PPFIA2: variants seen among roughly 807,000 people sequenced by gnomAD.
PPFIA2 encodes PPFI scaffold protein A2, also known as liprin-alpha-2.
Under a neutral mutation model 175.5 loss-of-function variants are expected in PPFIA2, and 46 were observed. That is an observed-to-expected ratio of 0.26 (90% CI 0.21 to 0.34). PPFIA2 has a LOEUF of 0.34. PPFIA2 is among the 10% of genes least tolerant of loss of function. The pLI is 1.00. For synonymous variants in PPFIA2, 568 were observed against 511.4 expected, an observed-to-expected ratio of 1.11 and a Z score of -1.49; for missense variants, 1,179 against 1,506.1, an observed-to-expected ratio of 0.78 and a Z score of 3.60.
At chr12:81,641,237 TTAAC>T (rs2064929123) in intron 4 of PPFIA2, among the ~76,000 whole-genome samples, 2 of 152,198 alleles carry the variant, frequency 1.3e-5, no homozygotes, top group Non-Finnish European at 1.5e-5. Context: ...TTATTTCTCA[TTAAC>T]TAAGTCACCT....
intron 32 of PPFIA2, chr12:81,260,717 G>A (rs546850183): frequency 1.3e-5 from 2 of 152,292 alleles, no homozygotes; most frequent in Admixed American, 1.3e-4. Context: ...AATAAATTGT[G>A]TGGCACTTTT....
intron 30 of PPFIA2, among the ~76,000 whole-genome samples, chr12:81,266,696 G>A (rs575428927): frequency 6.6e-5 from 10 of 152,030 alleles, no homozygotes; most frequent in Non-Finnish European, 8.8e-5. Flanking sequence ...TTGCAGTCAC[G>A]ACTCATAAAA....
intron 4 of PPFIA2, chr12:81,505,766 A>T (rs2061094001): frequency 6.6e-6 from 1 of 152,256 alleles, no homozygotes; most frequent in Admixed American, 6.5e-5. Flanking sequence ...TTTTGGCTCT[A>T]TGGTCCTAAG....
chr12:81,543,282 A>G (rs758483525), intron 4 of PPFIA2, among the ~76,000 whole-genome samples: 5 of 152,130 alleles, frequency 3.3e-5, no homozygotes, highest in South Asian at 2.1e-4. Context: ...TAAAAACAAC[A>G]GCAACATAGC....
rs964635979 is a variant in PPFIA2 at position 81,601,280 on chromosome 12, G to T, written c.303+75511C>A. On this transcript the variant is annotated intron_variant, in intron 4 of 32. Coordinates refer to ENST00000549396, the MANE Select transcript of PPFIA2 (RefSeq NM_003625.5). ...GAACATTTTTTCCTATGATTATTTT[G>T]ATAATAATGTTATCTCGTAATTCTG... Among the ~76,000 whole-genome samples, 7 of 151,838 alleles carry T rather than the reference G, an allele frequency of 4.6e-5. 1 individual carries two copies. The South Asian group carries it at 6.2e-4, about 14-fold the overall frequency.
At chr12:81,731,434 G>C (rs1208326655) in intron 3 of PPFIA2, among the ~76,000 whole-genome samples, 1 of 151,576 alleles carries the variant, frequency 6.6e-6, no homozygotes, top group Admixed American at 6.6e-5. Flanking sequence ...TTGAGACACA[G>C]GGAGGTTCAG....
intron 24 of PPFIA2, among the ~76,000 whole-genome samples, chr12:81,294,019 A>C (rs1219887330): frequency 9.8e-6 from 1 of 101,800 alleles, no homozygotes; most frequent in Non-Finnish European, 2.1e-5. Context: ...CCATTATCCC[A>C]AGTGAAATAA....
intron 3 of PPFIA2, among the ~76,000 whole-genome samples, chr12:81,724,964 T>TAA (rs2079860377): frequency 6.6e-6 from 1 of 151,048 alleles, no homozygotes; most frequent in Admixed American, 6.6e-5. Flanking sequence ...TAATAGGTCC[T>TAA]TTTTCTCCAC....
At chr12:81,292,585 T>C (rs1369185689) in intron 24 of PPFIA2, 1 of 152,164 alleles carries the variant, frequency 6.6e-6, no homozygotes, top group Non-Finnish European at 1.5e-5. Context: ...TCTAGCTTAC[T>C]TTATTGTACG....
At position 81,262,706 on chromosome 12, in the gene PPFIA2, A is replaced by G. The variant is rs116571248; in HGVS notation, c.3715+525T>C. Among the ~76,000 whole-genome samples the G allele has an allele frequency of 6.7e-3, 1,025 of 152,338 alleles. 17 individuals carry two copies. The highest frequency in any genetic ancestry group is 0.024 in the African/African-American group (982 of 41,576). On this transcript the variant is annotated intron_variant, in intron 31 of 32. Transcript: ENST00000549396. ...CACAGAAGGAAATAGTAATTGGGAAATTACTGTGTTTTGTGTTTCTTTAAT... is the reference window on the plus strand; with the variant it reads ...CACAGAAGGAAATAGTAATTGGGAAGTTACTGTGTTTTGTGTTTCTTTAAT...
intron 19 of PPFIA2, among the ~76,000 whole-genome samples, chr12:81,343,023 G>T (rs1236513079): frequency 6.6e-6 from 1 of 151,608 alleles, no homozygotes; most frequent in Non-Finnish European, 1.5e-5. Context: ...TAGAGTTTTG[G>T]AATTAGAGAG....
chr12:81,615,068 A>C, intron 4 of PPFIA2, among the ~76,000 whole-genome samples: 1 of 152,174 alleles, frequency 6.6e-6, no homozygotes, highest in African/African-American at 2.4e-5. Context: ...TACATAAAAC[A>C]ATTTTTAGGT....
chr12:81,342,597 G>T (rs749766346), intron 19 of PPFIA2, among the ~76,000 whole-genome samples: 7 of 152,002 alleles, frequency 4.6e-5, no homozygotes, highest in African/African-American at 1.2e-4. Context: ...GCCATCAGGA[G>T]AATCTTTTTT....
intron 9 of PPFIA2, among the ~76,000 whole-genome samples, chr12:81,383,694 G>C (rs190551284): frequency 6.6e-6 from 1 of 152,170 alleles, no homozygotes; most frequent in East Asian, 1.9e-4. Flanking sequence ...TATGCTAAGA[G>C]TATAGCAATT....
chr12:81,617,046 T>C (rs773253222), intron 4 of PPFIA2, among the ~76,000 whole-genome samples: 12 of 152,194 alleles, frequency 7.9e-5, no homozygotes, highest in Non-Finnish European at 1.8e-4. Context: ...AACTTTGAGT[T>C]AGCTTCTCTG....
intron 28 of PPFIA2, among the ~76,000 whole-genome samples, chr12:81,276,375 A>G (rs973588953): frequency 1.3e-5 from 2 of 152,192 alleles, no homozygotes; most frequent in Admixed American, 6.5e-5. Context: ...CACCACAAAT[A>G]TATCCATGTA....
At chr12:81,553,235 G>A (rs2068245094) in intron 4 of PPFIA2, among the ~76,000 whole-genome samples, 1 of 151,780 alleles carries the variant, frequency 6.6e-6, no homozygotes. Context: ...AGCATTCTAA[G>A]CAAAGGAAAT....
At chr12:81,263,486 A>G in intron 30 of PPFIA2, 96 bp from the exon 31 acceptor site, 1 of 1,120,246 alleles carries the variant, frequency 8.9e-7, no homozygotes, top group Non-Finnish European at 1.3e-6. Flanking sequence ...TAGATTATTT[A>G]CATTTAGTCT....
chr12:81,697,518 A>T lies in PPFIA2; in HGVS notation c.250-20674T>A, dbSNP rs183742331. Among the ~76,000 whole-genome samples the T allele has an allele frequency of 1.2e-3, 187 of 152,276 alleles. 1 individual carries two copies. The highest frequency in any genetic ancestry group is 7.8e-3 in the Admixed American group (119 of 15,284). Reference sequence around the variant, plus strand: ...GTTTTATAAGCCACTTCAGCTAAAAAATCTATACAGGAATATGTCAAACTA... The same window carrying T: ...GTTTTATAAGCCACTTCAGCTAAAATATCTATACAGGAATATGTCAAACTA... On this transcript the variant is annotated intron_variant, in intron 3 of 32. Coordinates refer to ENST00000549396, the MANE Select transcript of PPFIA2 (RefSeq NM_003625.5).
Sources: gnomAD v4.1 joint callset for allele counts (sites outside exome capture counted in the v4.1 genomes callset) on GRCh38, gnomAD v4.1.1 for gene constraint, MANE v1.5 for transcripts, NCBI Gene and HGNC (gene_info 2026-07-23, HGNC 2026-07-21) for gene names.